Variants in SLC39A3 observed in about 807,000 individuals in gnomAD.
SLC39A3 encodes solute carrier family 39 member 3, also known as zinc transporter ZIP3.
Under a neutral mutation model 5.1 loss-of-function variants are expected in SLC39A3, and 3 were observed. That is an observed-to-expected ratio of 0.59 (90% CI 0.27 to 1.54). The LOEUF (loss-of-function observed/expected upper bound fraction) is 1.54, where lower values mean the gene tolerates loss of function less well. SLC39A3 is among the 40% of genes most tolerant of loss of function. SLC39A3 has a pLI of 0.12. For missense variants in SLC39A3, 412 were observed against 436.4 expected (o/e 0.94, Z 0.50); for synonymous variants, 250 against 218.8 (o/e 1.14, Z -1.26).
Position 2,734,968 on chromosome 19 carries a change from C to A in SLC39A3, c.211-1483G>T. The A allele has an allele frequency of 1.0e-6, 1 of 985,532 alleles. No homozygotes were observed. The highest frequency in any genetic ancestry group is 4.7e-5 in the South Asian group (1 of 21,288). 61.0% of individuals were successfully genotyped at this position (985,532 alleles called of 1,614,324 possible). A position where few individuals can be genotyped will look rare whatever the true frequency, so the allele number is the denominator to read the frequency against. On this transcript the variant is annotated intron_variant, in intron 2 of 2. Transcript: ENST00000269740. The surrounding 1 kb of genome is among the most constrained non-coding windows in gnomAD (Gnocchi z 4.6). ...AGGGGTGACTGAGAGCCTGGCCCTG[C>A]AGTGGGTGAGGCTGGGGGCTCGGGA...
In SLC39A3 at chr19:2,732,913, C is replaced by A. The variant is rs779450853; in HGVS notation, c.783G>T (p.Ala261=). The change falls in exon 3 of 3, where the codon GCG becomes GCT. Residue 261 remains alanine (A), a synonymous_variant. Transcript: ENST00000269740. The part of the protein sequence containing the change: ...ESAQGVPGSV[A]SVLLQGLAGG... ...CCGCCAGGCCCTGCAGCAGCACGGA[C>A]GCCACGCTGCCCGGCACGCCCTGGG... 3.5e-4 allele frequency: 568 copies of A among 1,610,966 alleles called. No individual in the cohort carries two copies. The highest frequency in any genetic ancestry group is 4.8e-4 in the Non-Finnish European group (562 of 1,179,056).
At chr19:2,738,651 T>A (rs955004336) in intron 1 of SLC39A3, among the ~76,000 whole-genome samples, 13 of 151,820 alleles carry the variant, frequency 8.6e-5, no homozygotes, top group African/African-American at 2.4e-4. Context: ...GGCTCACACC[T>A]GTAATCTCAG....
At chr19:2,737,502 G>A (rs1914409954) in intron 1 of SLC39A3, 123 bp from the exon 2 acceptor site, 6 of 572,900 alleles carry the variant, frequency 1.0e-5, no homozygotes, top group Admixed American at 7.5e-5. Flanking sequence ...TGCAACCTCC[G>A]CTTCCTGGAT....
rs1239798016 is a variant in SLC39A3 at position 2,738,936 on chromosome 19, C to CA, written c.-123+1008dup. Among the ~76,000 whole-genome samples the CA allele has an allele frequency of 8.9e-3, 1,160 of 129,736 alleles. 9 individuals are homozygous for CA. The highest frequency in any genetic ancestry group is 0.011 in the Middle Eastern group (3 of 264). 85.1% of individuals were successfully genotyped at this position (129,736 alleles called of 152,430 possible). Reference sequence around the variant, plus strand: ...TGGGTGACAGAGTAAGACTCTGTCTCAAAAAAAAAAAAAATTAGCTGGGCA... The same window carrying CA: ...TGGGTGACAGAGTAAGACTCTGTCTCAAAAAAAAAAAAAAATTAGCTGGGCA... On this transcript the variant is annotated intron_variant, in intron 1 of 2. Transcript: ENST00000269740.
intron 1 of SLC39A3, 77 bp from the exon 2 acceptor site, chr19:2,737,456 GC>G: frequency 9.4e-7 from 1 of 1,060,322 alleles, no homozygotes; most frequent in Non-Finnish European, 1.3e-6. Context: ...TCGCTCTGTT[GC>G]CAGGCTGGAG....
At position 2,739,099 on chromosome 19, in the gene SLC39A3, C is replaced by CAAA. The variant is rs76854834; in HGVS notation, c.-123+843_-123+845dup. 8.9e-3 allele frequency among the ~76,000 whole-genome samples: 269 copies of CAAA among 30,206 alleles called. 14 individuals carry two copies. The highest frequency in any genetic ancestry group is 0.03 in the African/African-American group (226 of 7,638). The allele number at this position is 30,206 out of a possible 152,430, so 19.8% of individuals were successfully genotyped here. On this transcript the variant is annotated intron_variant, in intron 1 of 2. Transcript: ENST00000269740. ...TGGGCTGCAGAGCAAGACTCCGTCT[C>CAAA]AAAAAAAAAAAAAAAAAAAAAAAAA...
intron 2 of SLC39A3, chr19:2,736,208 A>G: frequency 1.3e-5 from 13 of 985,520 alleles, no homozygotes; most frequent in Non-Finnish European, 1.6e-5. Flanking sequence ...AGATGGCCCC[A>G]GAAGCCCCTG....
rs1914274598 is a variant in SLC39A3 at position 2,733,903 on chromosome 19, T to G, written c.211-418A>C. 6.6e-6 allele frequency among the ~76,000 whole-genome samples: 1 copy of G among 152,200 alleles called. No individual in the cohort carries two copies. Among genetic ancestry groups the G allele is most frequent in the Non-Finnish European group, 1.5e-5 (1 of 68,034 alleles). On this transcript the variant is annotated intron_variant, in intron 2 of 2. Transcript: ENST00000269740. This position sits in a 1 kb window ranked among gnomAD's most constrained non-coding sequence, Gnocchi z 6.1. ...TTGCAGTGAGACGAGATCGTGCCACTGCACTCCAGCCTGGGCGACAGAGGG... is the reference window on the plus strand; with the variant it reads ...TTGCAGTGAGACGAGATCGTGCCACGGCACTCCAGCCTGGGCGACAGAGGG...
chr19:2,735,017 A>G lies in SLC39A3; in HGVS notation c.211-1532T>C. 1 of 985,460 alleles carries G rather than the reference A, an allele frequency of 1.0e-6. No individual in the cohort carries two copies. The highest frequency in any genetic ancestry group is 1.7e-5 in the African/African-American group (1 of 57,346). 61.0% of individuals were successfully genotyped at this position (985,460 alleles called of 1,614,324 possible). A position where few individuals can be genotyped will look rare whatever the true frequency, so the allele number is the denominator to read the frequency against. On this transcript the variant is annotated intron_variant, in intron 2 of 2. Transcript: ENST00000269740. The surrounding 1 kb of genome is among the most constrained non-coding windows in gnomAD (Gnocchi z 5.7). ...GAGTAGGGACCTCATCCGCCTGACC[A>G]GCCCGAGGACAGGAGAACGGCGGGA... is the stretch of plus-strand genomic sequence containing the variant.
Position 2,732,792 on chromosome 19 carries a change from C to T in SLC39A3, c.904G>A (p.Gly302Ser). Residue 302 changes from glycine to serine, a missense_variant, in exon 3 of 3, where the codon GGC becomes AGC. By Grantham distance (56) the Gly-to-Ser change is moderately conservative. Transcript: ENST00000269740. ...ACCATCCCGGCCAGGACGGTGTAGC[C>T]CAGCACCAGGAAGAGGACCTTGAGC... ...RLLKVLFLVL[G>S]YTVLAGMVFL... is the part of the protein sequence containing the mutation. 1 of 1,608,038 alleles carries T rather than the reference C, an allele frequency of 6.2e-7. No homozygotes were observed. Among genetic ancestry groups the T allele is most frequent in the Non-Finnish European group, 8.5e-7 (1 of 1,177,124 alleles).
Position 2,734,490 on chromosome 19 carries a change from A to G in SLC39A3, c.211-1005T>C. 6.5e-6 allele frequency: 1 copy of G among 153,722 alleles called. No homozygotes were observed. The highest frequency in any genetic ancestry group is 1.4e-5 in the Non-Finnish European group (1 of 69,236). The allele number at this position is 153,722 out of a possible 1,614,324, so 9.5% of individuals were successfully genotyped here. ...CAAGCACGCGCACACAGTGGTTCTCAACCAGGGCGATTCTGCCCGTGTGGA... is the reference window on the plus strand; with the variant it reads ...CAAGCACGCGCACACAGTGGTTCTCGACCAGGGCGATTCTGCCCGTGTGGA... On this transcript the variant is annotated intron_variant, in intron 2 of 2. Coordinates refer to ENST00000269740, the MANE Select transcript of SLC39A3 (RefSeq NM_144564.5). This position sits in a 1 kb window ranked among gnomAD's most constrained non-coding sequence, Gnocchi z 4.6.
At position 2,733,047 on chromosome 19, in the gene SLC39A3, T is replaced by A. The variant is rs1914245606; in HGVS notation, c.649A>T (p.Ile217Phe). The A allele has an allele frequency of 6.2e-7, 1 of 1,609,350 alleles. No homozygotes were observed. The highest frequency in any genetic ancestry group is 1.7e-4 in the Middle Eastern group (1 of 6,044). ...HETLVAVALG[I>F]SMARSAMPLR... is the part of the protein sequence containing the mutation. The stretch of plus-strand genomic sequence containing the variant: ...GGCATGGCACTCCGGGCCATGCTGA[T>A]GCCCAGGGCCACGGCCACCAGTGTC... The change falls in exon 3 of 3, where the codon ATC becomes TTC. Residue 217 changes from isoleucine to phenylalanine, a missense_variant. Physicochemically the swap from Ile to Phe is conservative, Grantham distance 21. Coordinates refer to ENST00000269740, the MANE Select transcript of SLC39A3 (RefSeq NM_144564.5). The surrounding 1 kb of genome is among the most constrained non-coding windows in gnomAD (Gnocchi z 6.1).
At chr19:2,736,941 T>A in intron 2 of SLC39A3, 107 bp downstream of exon 2, 4 of 1,563,954 alleles carry the variant, frequency 2.6e-6, no homozygotes, top group Non-Finnish European at 3.5e-6. Context: ...CCGTCACCCT[T>A]ACAGCATCAA....
In SLC39A3 at chr19:2,732,535, C is replaced by T; in HGVS notation, c.*216G>A. 1 of 1,429,386 alleles carries T rather than the reference C, an allele frequency of 7.0e-7. No homozygotes were observed. Among genetic ancestry groups the T allele is most frequent in the Non-Finnish European group, 9.1e-7 (1 of 1,096,526 alleles). The allele number at this position is 1,429,386 out of a possible 1,614,324, so 88.5% of individuals were successfully genotyped here. A position where few individuals can be genotyped will look rare whatever the true frequency, so the allele number is the denominator to read the frequency against. ...CATGGCCACACAGCTTTGGTAAAGA[C>T]TTTTAAGAGAAAGAAGTATTTTAAA... is the stretch of plus-strand genomic sequence containing the variant. On this transcript the variant is annotated 3_prime_UTR_variant, in exon 3 of 3. Transcript: ENST00000269740.
At chr19:2,738,601 C>G (rs967540773) in intron 1 of SLC39A3, among the ~76,000 whole-genome samples, 1 of 152,114 alleles carries the variant, frequency 6.6e-6, no homozygotes, top group Non-Finnish European at 1.5e-5. Context: ...TTCTCTGCAT[C>G]CAGGACCCCT....
Position 2,732,551 on chromosome 19 carries a change from G to A in SLC39A3, c.*200C>T. On this transcript the variant is annotated 3_prime_UTR_variant, in exon 3 of 3. Coordinates refer to ENST00000269740, the MANE Select transcript of SLC39A3 (RefSeq NM_144564.5). Reference sequence around the variant, plus strand: ...TGGTAAAGACTTTTAAGAGAAAGAAGTATTTTAAAAAGTAGCAGTGCTCTG... The same window carrying A: ...TGGTAAAGACTTTTAAGAGAAAGAAATATTTTAAAAAGTAGCAGTGCTCTG... 2 of 1,427,606 alleles carry A rather than the reference G, an allele frequency of 1.4e-6. No homozygotes were observed. The highest frequency in any genetic ancestry group is 5.0e-5 in the East Asian group (2 of 39,738). The allele number at this position is 1,427,606 out of a possible 1,614,324, so 88.4% of individuals were successfully genotyped here.
Position 2,737,188 on chromosome 19 carries a change from G to A in SLC39A3, c.70C>T (p.Leu24=). 1.2e-6 allele frequency: 2 copies of A among 1,614,170 alleles called. No individual in the cohort carries two copies. Among genetic ancestry groups the A allele is most frequent in the Non-Finnish European group, 1.7e-6 (2 of 1,180,040 alleles). The change falls in exon 2 of 3, where the codon CTG becomes TTG. Residue 24 remains leucine, a synonymous_variant. Coordinates refer to ENST00000269740, the MANE Select transcript of SLC39A3 (RefSeq NM_144564.5). ...GTCTCGATGATCTTCACGGGGAGCA[G>A]GGAGCCGAGCAGCATGAAGAAGAAC... is the stretch of plus-strand genomic sequence containing the variant. ...GVFFFMLLGS[L]LPVKIIETDF...
intron 2 of SLC39A3, 199 bp downstream of exon 2, chr19:2,736,849 C>A (rs1041035648): frequency 1.3e-6 from 2 of 1,481,626 alleles, no homozygotes; most frequent in African/African-American, 1.4e-5. Flanking sequence ...CAGGTCTGGT[C>A]CAAACCCCTT....
intron 1 of SLC39A3, 24 bp from the exon 2 acceptor site, chr19:2,737,403 T>C (rs2144699916): frequency 1.4e-6 from 2 of 1,391,916 alleles, no homozygotes; most frequent in Non-Finnish European, 1.9e-6. Context: ...GGGCACTGCA[T>C]TAGCTTTCTT....
Sources: gnomAD v4.1 joint callset for allele counts (sites outside exome capture counted in the v4.1 genomes callset) on GRCh38, gnomAD v4.1.1 for gene constraint, Gnocchi (gnomAD v3.1) non-coding constraint, MANE v1.5 for transcripts, NCBI Gene and HGNC (gene_info 2026-07-23, HGNC 2026-07-21) for gene names.